The following CCDC178 variants were observed in gnomAD, a reference collection of about 807,000 sequenced individuals.
CCDC178 encodes the protein coiled-coil domain-containing protein 178.
A neutral mutation model predicts 117.4 loss-of-function variants in CCDC178; 126 were observed. That is an observed-to-expected ratio of 1.07 (90% CI 0.93 to 1.24). CCDC178 has a LOEUF of 1.24. CCDC178 is among the 50% of genes most tolerant of loss of function. The pLI is 0.00. For synonymous variants in CCDC178, 283 were observed against 313.4 expected, an observed-to-expected ratio of 0.90 and a Z score of 1.02; for missense variants, 1,030 against 986.9, an observed-to-expected ratio of 1.04 and a Z score of -0.59.
intron 20 of CCDC178, among the ~76,000 whole-genome samples, chr18:33,165,315 C>G (rs909596822): frequency 3.9e-5 from 6 of 152,060 alleles, no homozygotes; most frequent in Non-Finnish European, 8.8e-5. Context: ...TACCCTATCT[C>G]TAAACAACAA....
At chr18:33,130,987 G>C (rs1322556175) in intron 20 of CCDC178, among the ~76,000 whole-genome samples, 3 of 151,820 alleles carry the variant, frequency 2.0e-5, no homozygotes, top group Non-Finnish European at 4.4e-5. Context: ...CCAGCAATAA[G>C]GCAGGTGCTT....
intron 14 of CCDC178, among the ~76,000 whole-genome samples, chr18:33,248,688 C>A (rs942182988): frequency 6.6e-6 from 1 of 151,934 alleles, no homozygotes; most frequent in African/African-American, 2.4e-5. Context: ...TGGGTTGGTT[C>A]CAAGTCTTTG....
At chr18:33,288,226 C>T (rs2060123194) in intron 12 of CCDC178, among the ~76,000 whole-genome samples, 2 of 146,756 alleles carry the variant, frequency 1.4e-5, no homozygotes. Flanking sequence ...CTCCTCTCCT[C>T]CTCCTCCCCT....
intron 22 of CCDC178, among the ~76,000 whole-genome samples, chr18:32,957,492 G>C (rs2054618430): frequency 6.6e-6 from 1 of 152,106 alleles, no homozygotes; most frequent in Admixed American, 6.6e-5. Context: ...GGAAAGTATA[G>C]GTCAGGGGCA....
chr18:33,237,780 C>CA (rs57087942), intron 15 of CCDC178, among the ~76,000 whole-genome samples: 21,662 of 145,416 alleles, frequency 0.15, 1,894 homozygotes, highest in African/African-American at 0.27. Flanking sequence ...CTGAAAAAAA[C>CA]AAAAAAAAAA....
intron 14 of CCDC178, among the ~76,000 whole-genome samples, chr18:33,253,579 TAAG>T (rs1197859754): frequency 1.1e-4 from 16 of 151,646 alleles, no homozygotes; most frequent in Admixed American, 1.1e-3. Context: ...AAGGAGAGAG[TAAG>T]AAGAACAGAG....
intron 20 of CCDC178, among the ~76,000 whole-genome samples, chr18:33,208,366 A>AT (rs1002519762): frequency 9.9e-5 from 15 of 151,850 alleles, no homozygotes; most frequent in South Asian, 4.2e-4. Context: ...AGAATATGTC[A>AT]TTTTTTTTAC....
chr18:33,428,752 A>G (rs1255788215), intron 2 of CCDC178, among the ~76,000 whole-genome samples: 9 of 149,570 alleles, frequency 6.0e-5, no homozygotes, highest in Non-Finnish European at 1.0e-4. Context: ...AAAAAAAAAA[A>G]AGAGAAAAGA....
rs973169978 is a variant in CCDC178 at position 33,395,108 on chromosome 18, C to A, written c.118+2041G>T. 2.7e-5 allele frequency among the ~76,000 whole-genome samples: 4 copies of A among 150,296 alleles called. No individual in the cohort carries two copies. In the East Asian group the frequency reaches 7.8e-4, roughly 29 times the overall value. Reference sequence around the variant, plus strand: ...TGACATTTGACACAAAAGTCATTGACAATTCCTAGAAAATTTGGGCTGGGT... The same window carrying A: ...TGACATTTGACACAAAAGTCATTGAAAATTCCTAGAAAATTTGGGCTGGGT... On this transcript the variant is annotated intron_variant, in intron 4 of 22. Coordinates refer to ENST00000383096, the MANE Select transcript of CCDC178 (RefSeq NM_001105528.4).
intron 20 of CCDC178, among the ~76,000 whole-genome samples, chr18:33,152,511 G>A (rs1163404810): frequency 6.6e-6 from 1 of 151,932 alleles, no homozygotes; most frequent in Non-Finnish European, 1.5e-5. Context: ...AGCTCGCCAG[G>A]AAGGAGCCAA....
intron 20 of CCDC178, among the ~76,000 whole-genome samples, chr18:33,208,781 C>A (rs1008354888): frequency 3.3e-5 from 5 of 151,720 alleles, no homozygotes; most frequent in African/African-American, 7.3e-5. Flanking sequence ...ATTTTATATC[C>A]AAATTTGGGA....
intron 20 of CCDC178, among the ~76,000 whole-genome samples, chr18:33,139,171 C>T (rs2058166242): frequency 1.3e-5 from 2 of 152,300 alleles, no homozygotes; most frequent in Admixed American, 1.3e-4. Context: ...ACATGACTTG[C>T]TCCTCCTTGC....
At chr18:33,122,166 A>G (rs1179027533) in intron 20 of CCDC178, among the ~76,000 whole-genome samples, 1 of 152,196 alleles carries the variant, frequency 6.6e-6, no homozygotes, top group African/African-American at 2.4e-5. Context: ...AGAATACTAT[A>G]TACATTTTGC....
chr18:33,340,836 C>T (rs189912598), intron 9 of CCDC178, among the ~76,000 whole-genome samples: 2 of 152,296 alleles, frequency 1.3e-5, no homozygotes, highest in South Asian at 2.1e-4. Flanking sequence ...CAAAAGTTTG[C>T]TGTAAGGGTG....
At chr18:33,275,662 G>A (rs1166359295) in intron 12 of CCDC178, among the ~76,000 whole-genome samples, 1 of 104,592 alleles carries the variant, frequency 9.6e-6, no homozygotes, top group African/African-American at 3.6e-5. Context: ...GGGAGGGGAG[G>A]GGGGAGGGGA....
At chr18:33,347,185 G>A (rs914824373) in intron 8 of CCDC178, among the ~76,000 whole-genome samples, 15 of 152,108 alleles carry the variant, frequency 9.9e-5, no homozygotes, top group Admixed American at 9.2e-4. Flanking sequence ...TTGCCAAAAT[G>A]TTATATAAAC....
chr18:33,409,687 T>C (rs929534284), intron 3 of CCDC178, among the ~76,000 whole-genome samples: 2 of 152,168 alleles, frequency 1.3e-5, no homozygotes, highest in Non-Finnish European at 2.9e-5. Flanking sequence ...GAAATTTCAA[T>C]GCTTTTCTGG....
chr18:33,093,386 T>C (rs987490964), intron 20 of CCDC178, among the ~76,000 whole-genome samples: 2 of 152,004 alleles, frequency 1.3e-5, no homozygotes, highest in African/African-American at 4.8e-5. Context: ...ACAGAAAACA[T>C]TAAAAACATA....
intron 10 of CCDC178, among the ~76,000 whole-genome samples, chr18:33,325,703 T>G (rs1003034205): frequency 9.9e-5 from 15 of 152,178 alleles, no homozygotes; most frequent in Non-Finnish European, 1.5e-4. Flanking sequence ...TGGAATAATA[T>G]CTACATACAA....
Sources: gnomAD v4.1 joint callset for allele counts (sites outside exome capture counted in the v4.1 genomes callset) on GRCh38, gnomAD v4.1.1 for gene constraint, MANE v1.5 for transcripts, NCBI Gene and HGNC (gene_info 2026-07-23, HGNC 2026-07-21) for gene names.